LRRC28: variants seen among roughly 807,000 people sequenced by gnomAD.
LRRC28 encodes the protein leucine-rich repeat-containing protein 28.
Under a neutral mutation model 45.7 loss-of-function variants are expected in LRRC28, and 39 were observed. The ratio of observed to expected loss-of-function variants is 0.85; its 90% CI spans 0.66 to 1.12. The LOEUF (loss-of-function observed/expected upper bound fraction) is 1.12. Ranked by LOEUF, LRRC28 falls within the 50% of genes most tolerant of loss-of-function variation. The pLI is 0.00. For missense variants in LRRC28, 435 were observed against 438.5 expected, an observed-to-expected ratio of 0.99 and a Z score of 0.07; for synonymous variants, 206 against 178.8, an observed-to-expected ratio of 1.15 and a Z score of -1.22.
chr15:99,263,864 G>T (rs4246296), intron 2 of LRRC28, among the ~76,000 whole-genome samples: 104,097 of 150,970 alleles, frequency 0.69, 35,659 homozygotes, highest in Middle Eastern at 0.82. Context: ...AACAGCTGCT[G>T]CTTCTTATGG....
At chr15:99,312,148 T>C (rs1955436319) in intron 5 of LRRC28, among the ~76,000 whole-genome samples, 1 of 152,210 alleles carries the variant, frequency 6.6e-6, no homozygotes, top group Non-Finnish European at 1.5e-5. Flanking sequence ...TGTTGTTAGG[T>C]GATTTTGTTG....
chr15:99,268,145 C>T (rs934723987), intron 2 of LRRC28, among the ~76,000 whole-genome samples: 7 of 152,072 alleles, frequency 4.6e-5, no homozygotes, highest in African/African-American at 1.7e-4. Context: ...ACCACCATGT[C>T]GTTAAAATTT....
chr15:99,348,489 G>A (rs1334238667), intron 6 of LRRC28, among the ~76,000 whole-genome samples: 1 of 152,110 alleles, frequency 6.6e-6, no homozygotes, highest in Non-Finnish European at 1.5e-5. Flanking sequence ...TCTTTTGCAT[G>A]TGGAAATCCA....
rs965486615 is a variant in LRRC28 at position 99,368,379 on chromosome 15, G to A, written c.1031+5114G>A. On this transcript the variant is annotated intron_variant, in intron 9 of 9. Coordinates refer to ENST00000301981, the MANE Select transcript of LRRC28 (RefSeq NM_144598.5). ...AGTGAGAATGCTAGAAGGAAAAAAA[G>A]GGGTCACAGGTCTCAAGTCTAAAAT... Among the ~76,000 whole-genome samples the A allele has an allele frequency of 5.3e-5, 8 of 152,228 alleles. No homozygotes were observed. The South Asian group carries it at 1.7e-3, about 32-fold the overall frequency.
At chr15:99,285,662 G>C in intron 3 of LRRC28, 2 of 610,216 alleles carry the variant, frequency 3.3e-6, no homozygotes, top group Non-Finnish European at 5.9e-6. Flanking sequence ...ACAGCATCTT[G>C]ATTATATGTA....
chr15:99,259,789 A>T, intron 2 of LRRC28: 1 of 1,094,234 alleles, frequency 9.1e-7, no homozygotes, highest in Non-Finnish European at 1.4e-6. Context: ...TGCAGCAGTG[A>T]TTCGGTCAGG....
At position 99,260,209 on chromosome 15, in the gene LRRC28, G is replaced by A. The variant is rs940936739; in HGVS notation, c.168+4084G>A. On this transcript the variant is annotated intron_variant, in intron 2 of 9. Coordinates refer to ENST00000301981, the MANE Select transcript of LRRC28 (RefSeq NM_144598.5). The stretch of plus-strand genomic sequence containing the variant: ...TTTTTTTTAAACATACCTCATGAAT[G>A]TAAATTTGTACTATTTAACTGACTA... Among the ~76,000 whole-genome samples the A allele has an allele frequency of 1.3e-5, 2 of 152,072 alleles. 1 individual carries two copies. The highest frequency in any genetic ancestry group is 4.1e-4 in the South Asian group (2 of 4,824).
In LRRC28 at chr15:99,335,632, C is replaced by T. The variant is rs149718290; in HGVS notation, c.592+1503C>T. ...TGACTGTGCCTGAGAATAGCCACTG[C>T]ACTCCAGCCTGGGCAACATACCAAT... is the stretch of plus-strand genomic sequence containing the variant. On this transcript the variant is annotated intron_variant, in intron 6 of 9. Coordinates refer to ENST00000301981, the MANE Select transcript of LRRC28 (RefSeq NM_144598.5). Among the ~76,000 whole-genome samples, 5 of 152,260 alleles carry T rather than the reference C, an allele frequency of 3.3e-5. No homozygotes were observed. The South Asian group carries it at 8.3e-4, about 25-fold the overall frequency.
At position 99,352,490 on chromosome 15, in the gene LRRC28, T is replaced by G. The variant is rs1956915959; in HGVS notation, c.695+19T>G. On this transcript the variant is annotated intron_variant, in intron 7 of 9. Transcript: ENST00000301981. ...GCAGTGGGTAAGGCCGATTTCACAT[T>G]TTGAACTAAAAAATAGATTAACTAC... is the stretch of plus-strand genomic sequence containing the variant. 1 of 1,580,380 alleles carries G rather than the reference T, an allele frequency of 6.3e-7. No homozygotes were observed. Among genetic ancestry groups the G allele is most frequent in the African/African-American group, 1.4e-5 (1 of 73,872 alleles).
At position 99,371,867 on chromosome 15, in the gene LRRC28, C is replaced by T. The variant is rs568092499; in HGVS notation, c.1031+8602C>T. Among the ~76,000 whole-genome samples the T allele has an allele frequency of 5.9e-5, 9 of 152,300 alleles. No individual in the cohort carries two copies. The South Asian group carries it at 1.9e-3, about 32-fold the overall frequency. On this transcript the variant is annotated intron_variant, in intron 9 of 9. Transcript: ENST00000301981. ...AGGTACTGAAAATTCTGCTTTGACC[C>T]CACCACCTAATTCTTTTCTCATACA...
chr15:99,293,960 T>A (rs1409584526), intron 5 of LRRC28, among the ~76,000 whole-genome samples: 1 of 152,232 alleles, frequency 6.6e-6, no homozygotes, highest in East Asian at 1.9e-4. Flanking sequence ...AATAAAATTC[T>A]GGATTGACAA....
Position 99,387,549 on chromosome 15 carries a change from CAGAA to C in LRRC28, c.*1450_*1453del, listed in dbSNP as rs1223625998. 3.9e-5 allele frequency: 6 copies of C among 152,302 alleles called. No individual in the cohort carries two copies. Among genetic ancestry groups the C allele is most frequent in the African/African-American group, 1.2e-4 (5 of 41,532 alleles). The allele number at this position is 152,302 out of a possible 1,614,324, so 9.4% of individuals were successfully genotyped here. On this transcript the variant is annotated 3_prime_UTR_variant, in exon 10 of 10. Transcript: ENST00000301981. The stretch of plus-strand genomic sequence containing the variant: ...TTCGACTTCTGCAAAAGTCCATAAA[CAGAA>C]AGTCTGTGAGCCTCCACCCTGCCAG...
intron 5 of LRRC28, among the ~76,000 whole-genome samples, chr15:99,303,834 CA>C (rs35704800): frequency 0.41 from 59,332 of 144,108 alleles, 12,348 homozygotes; most frequent in African/African-American, 0.56. Flanking sequence ...AACTCCATTG[CA>C]AAAAAAAAAA....
rs562613388 is a variant in LRRC28 at position 99,265,592 on chromosome 15, G to A, written c.168+9467G>A. 6.6e-5 allele frequency among the ~76,000 whole-genome samples: 10 copies of A among 152,286 alleles called. No individual in the cohort carries two copies. In the South Asian group the frequency reaches 1.9e-3, roughly 28 times the overall value. ...GTCCCTGTGGTCTTTGTAAGAAGGA[G>A]AAGGAATATAGCGTGGAAGCAACAA... is the stretch of plus-strand genomic sequence containing the variant. On this transcript the variant is annotated intron_variant, in intron 2 of 9. Coordinates refer to ENST00000301981, the MANE Select transcript of LRRC28 (RefSeq NM_144598.5).
intron 2 of LRRC28, chr15:99,259,349 GC>G (rs1220266442): frequency 6.5e-7 from 1 of 1,535,244 alleles, no homozygotes; most frequent in Admixed American, 1.7e-5. Flanking sequence ...CTGCATTCAG[GC>G]CCTTCCCGAA....
intron 2 of LRRC28, chr15:99,258,218 T>G (rs2081082957): frequency 6.2e-7 from 1 of 1,606,056 alleles, no homozygotes; most frequent in African/African-American, 1.3e-5. Flanking sequence ...TGTCAGTTTC[T>G]ATTCCATCTT....
At chr15:99,273,454 G>GTCTTGATCTGCTGACC (rs572777086) in intron 2 of LRRC28, among the ~76,000 whole-genome samples, 2,505 of 152,188 alleles carry the variant, frequency 0.016, 66 homozygotes, top group African/African-American at 0.057. Flanking sequence ...AGACAGGATG[G>GTCTTGATCTGCTGACC]TCTTGATCTG....
intron 9 of LRRC28, among the ~76,000 whole-genome samples, chr15:99,377,966 T>C (rs1957696728): frequency 6.6e-6 from 1 of 152,224 alleles, no homozygotes; most frequent in Non-Finnish European, 1.5e-5. Context: ...TAGTTTGAAG[T>C]CAGGTAGCAT....
In LRRC28 at chr15:99,336,638, C is replaced by G. The variant is rs183823740; in HGVS notation, c.592+2509C>G. Among the ~76,000 whole-genome samples the G allele has an allele frequency of 8.5e-5, 13 of 152,312 alleles. No homozygotes were observed. The East Asian group carries it at 2.5e-3, about 29-fold the overall frequency. On this transcript the variant is annotated intron_variant, in intron 6 of 9. Transcript: ENST00000301981. ...GCTAGCGCTTTCTCTCACCTACCCA[C>G]TCCGTACGCCAACCAGGTGCTCCCA... is the stretch of plus-strand genomic sequence containing the variant.
Sources: gnomAD v4.1 joint callset for allele counts (sites outside exome capture counted in the v4.1 genomes callset) on GRCh38, gnomAD v4.1.1 for gene constraint, MANE v1.5 for transcripts, NCBI Gene and HGNC (gene_info 2026-07-23, HGNC 2026-07-21) for gene names.